The following CCDC88B variants were observed in gnomAD, a reference collection of about 807,000 sequenced individuals.
CCDC88B encodes the protein coiled-coil and HOOK domain protein 88B.
In CCDC88B, 138 loss-of-function variants were observed where a neutral mutation model predicts 183.7. The ratio of observed to expected loss-of-function variants is 0.75; its 90% CI spans 0.65 to 0.87. The LOEUF (loss-of-function observed/expected upper bound fraction) is 0.87, where lower values mean the gene tolerates loss of function less well. Ranked by LOEUF, CCDC88B falls within the 40% of genes least tolerant of loss-of-function variation. The probability of loss-of-function intolerance (pLI) is 0.00; values close to 1 mark genes in which losing one functional copy is unlikely to be tolerated. For synonymous variants in CCDC88B, 835 were observed against 867.5 expected (o/e 0.96, Z 0.66); for missense variants, 1,822 against 1,965.6 (o/e 0.93, Z 1.38).
In CCDC88B at chr11:64,354,004, G is replaced by A; in HGVS notation, c.3933G>A (p.Lys1311=). The A allele has an allele frequency of 6.8e-7, 1 of 1,479,608 alleles. No individual in the cohort carries two copies. The highest frequency in any genetic ancestry group is 9.0e-7 in the Non-Finnish European group (1 of 1,109,916). The allele number at this position is 1,479,608 out of a possible 1,614,324, so 91.7% of individuals were successfully genotyped here. A position where few individuals can be genotyped will look rare whatever the true frequency, so the allele number is the denominator to read the frequency against. Residue 1311 remains lysine (K), a splice_region_variant and synonymous_variant, in exon 24 of 27, where the codon AAG becomes AAA. Coordinates refer to ENST00000356786, the MANE Select transcript of CCDC88B (RefSeq NM_032251.6). The part of the protein sequence containing the change: ...VLEPVPLPRT[K]KGSWLADKVK... Reference sequence around the variant, plus strand: ...CCCTCTTGTGCCCTCTTGCCCCCAGGAAGGGCAGCTGGCTGGCAGACAAGG... The same window carrying A: ...CCCTCTTGTGCCCTCTTGCCCCCAGAAAGGGCAGCTGGCTGGCAGACAAGG...
Position 64,340,751 on chromosome 11 carries a change from A to C in CCDC88B, c.205A>C (p.Ile69Leu). ...CCTGCTCCTCCGGGTGCTGGGCATC[A>C]TGTAAGGGGCATCGGGCCGGGGCGG... ...GALLLRVLGI[I>L]APSSRGGPRM... The change falls in exon 2 of 27, where the codon ATT becomes CTT. Residue 69 changes from isoleucine to leucine, a missense_variant and splice_region_variant. Transcript: ENST00000356786. 2 of 1,607,880 alleles carry C rather than the reference A, an allele frequency of 1.2e-6. No homozygotes were observed. Among genetic ancestry groups the C allele is most frequent in the Non-Finnish European group, 1.7e-6 (2 of 1,177,530 alleles).
Position 64,344,410 on chromosome 11 carries a change from G to A in CCDC88B, c.1869G>A (p.Glu623=). ...AGGCCCCGCAGTTGCTGGGAGGAGA[G>A]ACAGAGGGAAGAGAGGCTCCCCAAG... ...KIQAPQLLGG[E]TEGREAPQGE... Residue 623 remains glutamate, a synonymous_variant, in exon 14 of 27, where the codon GAG becomes GAA. Coordinates refer to ENST00000356786, the MANE Select transcript of CCDC88B (RefSeq NM_032251.6). The surrounding 1 kb of genome is among the most constrained non-coding windows in gnomAD (Gnocchi z 4.5). The A allele has an allele frequency of 6.3e-7, 1 of 1,589,726 alleles. No homozygotes were observed. Among genetic ancestry groups the A allele is most frequent in the Non-Finnish European group, 8.6e-7 (1 of 1,168,424 alleles).
At chr11:64,346,978 T>C (rs1191638076) in intron 14 of CCDC88B, among the ~76,000 whole-genome samples, 1 of 151,410 alleles carries the variant, frequency 6.6e-6, no homozygotes, top group Non-Finnish European at 1.5e-5. Flanking sequence ...GAATTTTTAG[T>C]AGAGACAGGG....
chr11:64,349,337 G>A lies in CCDC88B; in HGVS notation c.2623G>A (p.Glu875Lys), dbSNP rs1289041627. 13 of 1,607,492 alleles carry A rather than the reference G, an allele frequency of 8.1e-6. No individual in the cohort carries two copies. The highest frequency in any genetic ancestry group is 1.1e-5 in the Non-Finnish European group (13 of 1,177,574). The change falls in exon 15 of 27, where the codon GAG becomes AAG. Residue 875 changes from glutamate (E) to lysine (K), a missense_variant. Coordinates refer to ENST00000356786, the MANE Select transcript of CCDC88B (RefSeq NM_032251.6). ...REKEALQAELEKAVVRGKELG... is the reference protein window; with the variant it reads ...REKEALQAELKKAVVRGKELG... Reference sequence around the variant, plus strand: ...CTGCTCTGCTTGCCCTCAGGAGCTGGAGAAAGCTGTGGTGCGGGGCAAGGA... The same window carrying A: ...CTGCTCTGCTTGCCCTCAGGAGCTGAAGAAAGCTGTGGTGCGGGGCAAGGA...
chr11:64,355,936 C>CA (rs1288916349), intron 26 of CCDC88B: 2 of 262,724 alleles, frequency 7.6e-6, no homozygotes, highest in Non-Finnish European at 1.4e-5. Flanking sequence ...ATTTTAATAA[C>CA]ATTTAACTCA....
rs2036052162 is a variant in CCDC88B at position 64,345,091 on chromosome 11, G to C, written c.2550G>C (p.Glu850Asp). 2 of 1,551,494 alleles carry C rather than the reference G, an allele frequency of 1.3e-6. No individual in the cohort carries two copies. The highest frequency in any genetic ancestry group is 1.4e-5 in the African/African-American group (1 of 73,786). The change falls in exon 14 of 27, where the codon GAG becomes GAC. Residue 850 changes from glutamate (E) to aspartate (D), a missense_variant. By Grantham distance (45) the Glu-to-Asp change is conservative (BLOSUM62 2). Transcript: ENST00000356786. ...CCGAGGAACGGATGCAGGTGCTGGA[G>C]AGCGAGGGCCGCCAGCACTTGGAGG... ...EAAEERMQVL[E>D]SEGRQHLEEA... is the part of the protein sequence containing the mutation.
chr11:64,342,631 G>T lies in CCDC88B; in HGVS notation c.1013G>T (p.Arg338Leu), dbSNP rs1476649430. ...CCCCGCCTGCAGGAGGAGCTGAGGC[G>T]CTGCCGCGAGCGGCTGCAGGCGGCT... ...RLPRLQEELRRCRERLQAAEA... is the reference protein window; with the variant it reads ...RLPRLQEELRLCRERLQAAEA... The change falls in exon 10 of 27, where the codon CGC becomes CTC. Residue 338 changes from arginine (R) to leucine (L), a missense_variant. By Grantham distance (102) the Arg-to-Leu change is moderately radical (BLOSUM62 -2). Transcript: ENST00000356786. The T allele has an allele frequency of 6.6e-7, 1 of 1,524,948 alleles. No individual in the cohort carries two copies. Among genetic ancestry groups the T allele is most frequent in the East Asian group, 2.5e-5 (1 of 40,552 alleles). The allele number at this position is 1,524,948 out of a possible 1,614,324, so 94.5% of individuals were successfully genotyped here.
At chr11:64,349,900 T>TGTG in intron 16 of CCDC88B, 1 of 580,108 alleles carries the variant, frequency 1.7e-6, no homozygotes, top group South Asian at 2.1e-5. Flanking sequence ...GAACTTCTGC[T>TGTG]GTGGATGACT....
At position 64,341,031 on chromosome 11, in the gene CCDC88B, G is replaced by A. The variant is rs2135302478; in HGVS notation, c.318+13G>A. ...GGACTTCTACCAGGTAAGGGGTCTC[G>A]AGGGAAAGGCGGAGACAGGAGGGGA... On this transcript the variant is annotated intron_variant, in intron 3 of 26. Coordinates refer to ENST00000356786, the MANE Select transcript of CCDC88B (RefSeq NM_032251.6). 6.2e-7 allele frequency: 1 copy of A among 1,612,724 alleles called. No individual in the cohort carries two copies. Among genetic ancestry groups the A allele is most frequent in the South Asian group, 1.1e-5 (1 of 90,926 alleles).
intron 14 of CCDC88B, chr11:64,348,885 T>C (rs968696938): frequency 2.4e-5 from 15 of 618,500 alleles, no homozygotes; most frequent in African/African-American, 2.0e-4. Flanking sequence ...AGCTCCTGAC[T>C]TCCTGTCCCT....
chr11:64,344,231 G>C lies in CCDC88B; in HGVS notation c.1690G>C (p.Ala564Pro), dbSNP rs755392079. Residue 564 changes from alanine to proline, a missense_variant, in exon 14 of 27, where the codon GCA becomes CCA. Transcript: ENST00000356786. This position sits in a 1 kb window ranked among gnomAD's most constrained non-coding sequence, Gnocchi z 4.5. ...ACAGGAGGCAGAGAGTCCCCTTCAG[G>C]CAGCTGCCATGGACCCCCAGGCCTC... The part of the protein sequence containing the change: ...DPQEAESPLQ[A>P]AAMDPQASDW... 2 of 1,613,044 alleles carry C rather than the reference G, an allele frequency of 1.2e-6. No individual in the cohort carries two copies. The highest frequency in any genetic ancestry group is 1.7e-6 in the Non-Finnish European group (2 of 1,179,686).
rs1402286022 is a variant in CCDC88B, at chr11:64,352,756, G to A, written c.3369G>A (p.Leu1123=). 6.2e-7 allele frequency: 1 copy of A among 1,613,494 alleles called. No individual in the cohort carries two copies. Among genetic ancestry groups the A allele is most frequent in the East Asian group, 2.2e-5 (1 of 44,884 alleles). The change falls in exon 20 of 27, where the codon CTG becomes CTA. Residue 1123 remains leucine, a synonymous_variant. Coordinates refer to ENST00000356786, the MANE Select transcript of CCDC88B (RefSeq NM_032251.6). The part of the protein sequence containing the change: ...HRELQGRHEQ[L]QAQRASVEAQ... ...TTGTCCATCCCAGGCACGAGCAGCT[G>A]CAGGCCCAGCGGGCCAGCGTGGAGG... is the stretch of plus-strand genomic sequence containing the variant.
chr11:64,345,143 G>T lies in CCDC88B; in HGVS notation c.2602G>T (p.Glu868Ter). Reference sequence around the variant, plus strand: ...GGCTGAGAGGGAGCGCCGGGAGAAGGAGGCCCTCCAGGCGGTAGGTCAGGT... The same window carrying T: ...GGCTGAGAGGGAGCGCCGGGAGAAGTAGGCCCTCCAGGCGGTAGGTCAGGT... ...EEAERERREK[E>*]ALQAELEKAV... Residue 868 changes from glutamate to a stop codon, truncating the protein, a stop_gained, in exon 14 of 27, where the codon GAG becomes TAG. Transcript: ENST00000356786. LOFTEE classifies it high-confidence loss of function. 2 of 1,543,822 alleles carry T rather than the reference G, an allele frequency of 1.3e-6. No homozygotes were observed. The highest frequency in any genetic ancestry group is 1.7e-6 in the Non-Finnish European group (2 of 1,150,234).
In CCDC88B at chr11:64,349,774, G is replaced by A. The variant is rs192936055; in HGVS notation, c.2862+106G>A. 2.8e-4 allele frequency: 312 copies of A among 1,113,834 alleles called. 3 individuals are homozygous for A. In the East Asian group the frequency reaches 4.6e-3, roughly 16 times the overall value. 69.0% of individuals were successfully genotyped at this position (1,113,834 alleles called of 1,614,324 possible). A position where few individuals can be genotyped will look rare whatever the true frequency, so the allele number is the denominator to read the frequency against. On this transcript the variant is annotated intron_variant, in intron 16 of 26. Transcript: ENST00000356786. ...TCCTAGTCTTGCCTCTGGATTCTTGGCTAGCTACTTGCCTCACTCCCCATG... is the reference window on the plus strand; with the variant it reads ...TCCTAGTCTTGCCTCTGGATTCTTGACTAGCTACTTGCCTCACTCCCCATG...
Position 64,341,756 on chromosome 11 carries a change from G to A in CCDC88B, c.675+14G>A. 1 of 1,549,466 alleles carries A rather than the reference G, an allele frequency of 6.5e-7. No individual in the cohort carries two copies. The highest frequency in any genetic ancestry group is 1.2e-5 in the South Asian group (1 of 80,906). On this transcript the variant is annotated intron_variant, in intron 7 of 26. Transcript: ENST00000356786. ...CTGGGGGCCCAGGTAGGGGCAGCAG[G>A]GGCATCGTGGACTCAGGTTGGGGAA...
chr11:64,343,457 C>A lies in CCDC88B; in HGVS notation c.1210-50C>A, dbSNP rs143193161. The stretch of plus-strand genomic sequence containing the variant: ...CTAGTGACCCTCCGACCTACACACT[C>A]GGCCTGGCCATGGTGTGGAGGGCTT... On this transcript the variant is annotated intron_variant, in intron 11 of 26. Coordinates refer to ENST00000356786, the MANE Select transcript of CCDC88B (RefSeq NM_032251.6). The A allele has an allele frequency of 1.9e-3, 2,904 of 1,543,242 alleles. 24 individuals carry two copies. The Middle Eastern group carries it at 0.021, about 11-fold the overall frequency.
intron 14 of CCDC88B, among the ~76,000 whole-genome samples, chr11:64,347,808 C>T (rs1480450379): frequency 1.3e-5 from 2 of 152,064 alleles, no homozygotes; most frequent in Non-Finnish European, 2.9e-5. Flanking sequence ...CCCAGCACTT[C>T]GGGAGGCTGA....
chr11:64,341,954 T>C (rs1328745272), intron 7 of CCDC88B, 40 bp from the exon 8 acceptor site: 9 of 1,610,302 alleles, frequency 5.6e-6, no homozygotes, highest in South Asian at 1.1e-5. Context: ...TGCAGAGGCA[T>C]TGGATAAGTT....
chr11:64,343,861 A>T lies in CCDC88B; in HGVS notation c.1402A>T (p.Asn468Tyr). 6.2e-7 allele frequency: 1 copy of T among 1,604,870 alleles called. No homozygotes were observed. The highest frequency in any genetic ancestry group is 8.5e-7 in the Non-Finnish European group (1 of 1,176,188). The change falls in exon 13 of 27, where the codon AAC becomes TAC. Residue 468 changes from asparagine (N) to tyrosine (Y), a missense_variant. By Grantham distance (143) the Asn-to-Tyr change is moderately radical. Coordinates refer to ENST00000356786, the MANE Select transcript of CCDC88B (RefSeq NM_032251.6). ...AGRLRTLERE[N>Y]RELRGLLQVL... ...GCGGCTTCGGACCCTTGAGAGGGAG[A>T]ACCGGGAGCTTCGGGGGCTGCTTCA... is the stretch of plus-strand genomic sequence containing the variant.
Sources: gnomAD v4.1 joint callset for allele counts (sites outside exome capture counted in the v4.1 genomes callset) on GRCh38, gnomAD v4.1.1 for gene constraint, Gnocchi (gnomAD v3.1) non-coding constraint, MANE v1.5 for transcripts, NCBI Gene and HGNC (gene_info 2026-07-23, HGNC 2026-07-21) for gene names.